Variants in PCCA observed in about 807,000 individuals in gnomAD.
PCCA encodes propionyl-CoA carboxylase alpha chain, mitochondrial.
In PCCA, 74 loss-of-function variants were observed where a neutral mutation model predicts 101.3. The observed-to-expected ratio is 0.73, with a 90% confidence interval of 0.61 to 0.89. PCCA has a LOEUF of 0.89. Among genes scored for constraint, PCCA ranks in the 40% least tolerant of loss-of-function variants. PCCA has a pLI of 0.00. For missense variants in PCCA, 891 were observed against 907.0 expected, an observed-to-expected ratio of 0.98 and a Z score of 0.23; for synonymous variants, 294 against 313.6, an observed-to-expected ratio of 0.94 and a Z score of 0.66.
chr13:100,235,959 C>A, intron 8 of PCCA, 81 bp downstream of exon 8: 2 of 872,664 alleles, frequency 2.3e-6, no homozygotes, highest in South Asian at 1.3e-5. Context: ...AAGTAATTCC[C>A]ATAGAGCAAA....
intron 19 of PCCA, among the ~76,000 whole-genome samples, chr13:100,381,086 A>G (rs1479814552): frequency 6.6e-6 from 1 of 152,154 alleles, no homozygotes; most frequent in Admixed American, 6.6e-5. Context: ...AAAGTCAGGT[A>G]ATAACAAGTG....
At chr13:100,419,165 G>T (rs1206115796) in intron 19 of PCCA, among the ~76,000 whole-genome samples, 1 of 151,894 alleles carries the variant, frequency 6.6e-6, no homozygotes, top group South Asian at 2.1e-4. Context: ...AGAATAATGA[G>T]AATTCAGAAG....
chr13:100,118,658 C>T (rs1479150405), intron 4 of PCCA, among the ~76,000 whole-genome samples: 1 of 152,038 alleles, frequency 6.6e-6, no homozygotes, highest in Non-Finnish European at 1.5e-5. Context: ...AAGCGATCCT[C>T]CCACCTTAGT....
intron 7 of PCCA, among the ~76,000 whole-genome samples, chr13:100,213,916 G>A (rs757374206): frequency 3.3e-5 from 5 of 152,162 alleles, no homozygotes; most frequent in Admixed American, 6.5e-5. Context: ...TATATGGCAA[G>A]AGATAAGGGT....
chr13:100,522,311 T>C (rs2087365552), intron 22 of PCCA, among the ~76,000 whole-genome samples: 2 of 152,246 alleles, frequency 1.3e-5, no homozygotes, highest in Admixed American at 1.3e-4. Context: ...TAATGTCATG[T>C]GGGTTTCAAA....
chr13:100,263,470 A>G (rs2062667221), intron 10 of PCCA, among the ~76,000 whole-genome samples: 1 of 152,176 alleles, frequency 6.6e-6, no homozygotes, highest in Non-Finnish European at 1.5e-5. Flanking sequence ...TGGAGAGGGA[A>G]CCAGATAAAT....
chr13:100,414,781 A>ATTT (rs1391962938), intron 19 of PCCA, among the ~76,000 whole-genome samples: 3 of 152,218 alleles, frequency 2.0e-5, no homozygotes, highest in African/African-American at 7.2e-5. Flanking sequence ...TACATCATCT[A>ATTT]TTTGATATAT....
chr13:100,218,917 G>A (rs2059665218), intron 7 of PCCA, among the ~76,000 whole-genome samples: 1 of 152,154 alleles, frequency 6.6e-6, no homozygotes, highest in Non-Finnish European at 1.5e-5. Flanking sequence ...CAGATTCTAA[G>A]GATCTATGTA....
intron 19 of PCCA, among the ~76,000 whole-genome samples, chr13:100,422,070 T>TTTCTTTCTTTCTTTC (rs10668689): frequency 0.04 from 4,376 of 110,624 alleles, 365 homozygotes; most frequent in East Asian, 0.069. Flanking sequence ...TTCTCTTTTC[T>TTTCTTTCTTTCTTTC]TTTCTTTCTT....
intron 7 of PCCA, among the ~76,000 whole-genome samples, chr13:100,234,177 A>G (rs1373737006): frequency 4.6e-5 from 7 of 152,190 alleles, no homozygotes; most frequent in Non-Finnish European, 1.0e-4. Flanking sequence ...CAGGTTTAAC[A>G]CTTCCTGACA....
At chr13:100,422,062 CTCTTT>C (rs768794793) in intron 19 of PCCA, among the ~76,000 whole-genome samples, 4,418 of 55,982 alleles carry the variant, frequency 0.079, 327 homozygotes, top group East Asian at 0.15. Flanking sequence ...CTTTTCTCTT[CTCTTT>C]TCTTTTCTTT....
chr13:100,254,097 T>C (rs2061927295), intron 8 of PCCA, among the ~76,000 whole-genome samples: 1 of 152,056 alleles, frequency 6.6e-6, no homozygotes, highest in African/African-American at 2.4e-5. Flanking sequence ...TGTCTTAACA[T>C]GGCACCAGGC....
chr13:100,104,096 A>G (rs1404866685), intron 2 of PCCA, among the ~76,000 whole-genome samples: 1 of 152,202 alleles, frequency 6.6e-6, no homozygotes, highest in African/African-American at 2.4e-5. Flanking sequence ...CAATGAAGGC[A>G]TCGAAGTGGG....
intron 18 of PCCA, among the ~76,000 whole-genome samples, chr13:100,346,929 A>T (rs987911263): frequency 1.3e-5 from 2 of 151,950 alleles, no homozygotes; most frequent in African/African-American, 4.8e-5. Context: ...GCTGGAGGGC[A>T]GTGGTGTGAT....
intron 6 of PCCA, among the ~76,000 whole-genome samples, chr13:100,187,115 C>T (rs887175591): frequency 9.2e-5 from 14 of 152,150 alleles, no homozygotes; most frequent in African/African-American, 3.1e-4. Flanking sequence ...TGTAGCTATA[C>T]TGATACAGGA....
chr13:100,351,054 T>C (rs941192351), intron 18 of PCCA, among the ~76,000 whole-genome samples: 7 of 152,252 alleles, frequency 4.6e-5, no homozygotes, highest in African/African-American at 1.7e-4. Flanking sequence ...CATTAAATGT[T>C]TGCATTTTGT....
At chr13:100,169,587 G>A (rs757723510) in intron 6 of PCCA, among the ~76,000 whole-genome samples, 3 of 151,876 alleles carry the variant, frequency 2.0e-5, no homozygotes, top group African/African-American at 4.8e-5. Flanking sequence ...GGGTGCAGTG[G>A]CACGATCTTG....
intron 8 of PCCA, among the ~76,000 whole-genome samples, chr13:100,247,885 C>T (rs1463245648): frequency 5.3e-5 from 8 of 152,058 alleles, no homozygotes; most frequent in African/African-American, 1.4e-4. Context: ...TTTCCTTGCT[C>T]GTTAGGTTTT....
At chr13:100,452,917 A>G (rs1276472210) in intron 21 of PCCA, among the ~76,000 whole-genome samples, 1 of 152,168 alleles carries the variant, frequency 6.6e-6, no homozygotes, top group African/African-American at 2.4e-5. Flanking sequence ...AAGAAAGGAA[A>G]TACAGGCCTG....
Sources: gnomAD v4.1 joint callset for allele counts (sites outside exome capture counted in the v4.1 genomes callset) on GRCh38, gnomAD v4.1.1 for gene constraint, MANE v1.5 for transcripts, NCBI Gene and HGNC (gene_info 2026-07-23, HGNC 2026-07-21) for gene names.